Variants in STARD13 observed in about 807,000 individuals in gnomAD.
STARD13 encodes StAR related lipid transfer domain containing 13, also known as stAR-related lipid transfer protein 13.
In STARD13, 62 loss-of-function variants were observed where a neutral mutation model predicts 106.4. The ratio of observed to expected loss-of-function variants is 0.58; its 90% CI spans 0.48 to 0.72. STARD13 has a LOEUF of 0.72. Among genes scored for constraint, STARD13 ranks in the 30% least tolerant of loss-of-function variants. The pLI is 0.00. For synonymous variants in STARD13, 565 were observed against 553.0 expected (o/e 1.02, Z -0.31); for missense variants, 1,387 against 1,424.0 (o/e 0.97, Z 0.42).
intron 1 of STARD13, among the ~76,000 whole-genome samples, chr13:33,169,548 T>C (rs552097948): frequency 2.0e-5 from 3 of 152,346 alleles, no homozygotes; most frequent in Non-Finnish European, 2.9e-5. Context: ...CTAGACATGC[T>C]CTAAACCTAA....
At chr13:33,320,889 C>A (rs1474566077) in intron 1 of STARD13, among the ~76,000 whole-genome samples, 1 of 152,118 alleles carries the variant, frequency 6.6e-6, no homozygotes, top group East Asian at 1.9e-4. Flanking sequence ...AGTTGTCATA[C>A]CCTCCCTCTA....
chr13:33,186,299 G>A (rs1454438064), intron 1 of STARD13, among the ~76,000 whole-genome samples: 5 of 152,152 alleles, frequency 3.3e-5, no homozygotes, highest in East Asian at 1.9e-4. Context: ...CCCCTAAAGA[G>A]GACTAAAATG....
intron 3 of STARD13, among the ~76,000 whole-genome samples, chr13:33,163,723 C>CAT (rs767139550): frequency 1.3e-3 from 72 of 54,776 alleles, no homozygotes; most frequent in South Asian, 3.9e-3. Context: ...ATATATATAA[C>CAT]ATATATAAAA....
At chr13:33,521,707 T>C in the STARD13 span, among the ~76,000 whole-genome samples, 2 of 152,186 alleles carry the variant, frequency 1.3e-5, no homozygotes, top group Middle Eastern at 6.3e-3. Flanking sequence ...TGACAGATTA[T>C]GATTTTGTGA....
chr13:33,386,525 C>T, the STARD13 span, among the ~76,000 whole-genome samples: 3 of 152,088 alleles, frequency 2.0e-5, no homozygotes, highest in Non-Finnish European at 4.4e-5. Flanking sequence ...CTCCCCCATC[C>T]AGGTCCCAAC....
intron 1 of STARD13, among the ~76,000 whole-genome samples, chr13:33,251,429 G>T (rs1890091610): frequency 6.6e-6 from 1 of 152,196 alleles, no homozygotes. Context: ...AGTCTGCCAG[G>T]TTAGGATGAT....
the STARD13 span, among the ~76,000 whole-genome samples, chr13:33,491,437 T>G: frequency 6.6e-6 from 1 of 152,250 alleles, no homozygotes; most frequent in African/African-American, 2.4e-5. Context: ...AGATTATTGT[T>G]TTGTTCATTT....
chr13:33,668,849 G>T, the STARD13 span, among the ~76,000 whole-genome samples: 1 of 152,116 alleles, frequency 6.6e-6, no homozygotes, highest in Non-Finnish European at 1.5e-5. Context: ...AAGAAAGCTG[G>T]CATAGAGGCT....
intron 1 of STARD13, chr13:33,280,775 T>C (rs1362868057): frequency 6.6e-6 from 1 of 152,314 alleles, no homozygotes; most frequent in Non-Finnish European, 1.5e-5. Context: ...CTTAAGGTAA[T>C]ACTTGTGATT....
the STARD13 span, among the ~76,000 whole-genome samples, chr13:33,436,097 T>C: frequency 6.6e-6 from 1 of 152,234 alleles, no homozygotes; most frequent in Non-Finnish European, 1.5e-5. Context: ...GAAGTAATTA[T>C]AGCTCTTGGA....
the STARD13 span, among the ~76,000 whole-genome samples, chr13:33,382,107 C>T: frequency 1.3e-5 from 2 of 152,232 alleles, no homozygotes; most frequent in Non-Finnish European, 2.9e-5. Flanking sequence ...CGAAGCATGG[C>T]ATACCTTGCA....
chr13:33,348,298 C>T (rs955027267), downstream of STARD13, among the ~76,000 whole-genome samples: 4 of 152,224 alleles, frequency 2.6e-5, no homozygotes, highest in Non-Finnish European at 4.4e-5. Context: ...AAGTCTCTAT[C>T]TACAGTTTAT....
At chr13:33,248,529 T>TG (rs936695853) in intron 1 of STARD13, among the ~76,000 whole-genome samples, 1 of 152,200 alleles carries the variant, frequency 6.6e-6, no homozygotes, top group Non-Finnish European at 1.5e-5. Flanking sequence ...ACTTGAATGA[T>TG]GGGTGGGGAA....
chr13:33,395,077 T>A, the STARD13 span, among the ~76,000 whole-genome samples: 6 of 152,202 alleles, frequency 3.9e-5, no homozygotes, highest in African/African-American at 1.4e-4. Context: ...GGATTAGCTT[T>A]ATTTTTCAGG....
the STARD13 span, among the ~76,000 whole-genome samples, chr13:33,588,020 A>T: frequency 6.6e-6 from 1 of 152,224 alleles, no homozygotes; most frequent in East Asian, 1.9e-4. Flanking sequence ...GTTTCATATT[A>T]TATTTCTATT....
At chr13:33,218,815 G>GT (rs1888184359) in intron 1 of STARD13, among the ~76,000 whole-genome samples, 2 of 152,302 alleles carry the variant, frequency 1.3e-5, no homozygotes, top group African/African-American at 4.8e-5. Flanking sequence ...TCAGCATTAA[G>GT]ATTTTGATAT....
chr13:33,329,653 GTA>G (rs1225783424), intron 1 of STARD13, among the ~76,000 whole-genome samples: 70 of 71,048 alleles, frequency 9.9e-4, no homozygotes, highest in African/African-American at 3.2e-3. Context: ...TTGTGTGTGT[GTA>G]TGTGTGTGTG....
intron 1 of STARD13, among the ~76,000 whole-genome samples, chr13:33,292,338 G>T (rs188797400): frequency 2.6e-5 from 4 of 151,708 alleles, no homozygotes; most frequent in Admixed American, 2.6e-4. Flanking sequence ...TAAAGAATCA[G>T]CAGGCCTGTA....
chr13:33,275,648 T>G (rs1322851260), intron 1 of STARD13: 2 of 152,220 alleles, frequency 1.3e-5, no homozygotes, highest in Non-Finnish European at 2.9e-5. Context: ...GGAGTTTGGG[T>G]TGATGGACAA....
Sources: allele counts gnomAD v4.1 joint callset (sites outside exome capture counted in the v4.1 genomes callset), GRCh38; gene constraint gnomAD v4.1.1; transcripts MANE v1.5; gene names NCBI Gene and HGNC (gene_info 2026-07-23, HGNC 2026-07-21).